The following RGS7 variants were observed in gnomAD, a reference collection of about 807,000 sequenced individuals.
RGS7 encodes the protein regulator of G protein signaling 7.
A neutral mutation model predicts 81.1 loss-of-function variants in RGS7; 27 were observed. The ratio of observed to expected loss-of-function variants is 0.33; its 90% CI spans 0.25 to 0.46. RGS7 has a LOEUF of 0.46. Ranked by LOEUF, RGS7 falls within the 20% of genes least tolerant of loss-of-function variation. The probability of loss-of-function intolerance (pLI) is 1.00; values close to 1 mark genes in which losing one functional copy is unlikely to be tolerated. For synonymous variants in RGS7, 208 were observed against 207.7 expected (o/e 1.00, Z -0.01); for missense variants, 396 against 607.4 (o/e 0.65, Z 3.66).
chr1:241,254,673 GA>G (rs1412280379), intron 2 of RGS7, among the ~76,000 whole-genome samples: 1 of 152,114 alleles, frequency 6.6e-6, no homozygotes, highest in Non-Finnish European at 1.5e-5. Flanking sequence ...TCCATAGAAA[GA>G]TTTTTTTTGA....
Position 240,977,199 on chromosome 1 carries a change from C to T in RGS7, c.226+5880G>A, listed in dbSNP as rs1287281191. ...GAGTACTAAATTTCAACAATGTAGA[C>T]GTATGTTCACCAAGGACTAAATTCT... is the stretch of plus-strand genomic sequence containing the variant. On this transcript the variant is annotated intron_variant, in intron 4 of 18. Transcript: ENST00000440928. Among the ~76,000 whole-genome samples the T allele has an allele frequency of 2.6e-5, 4 of 150,968 alleles. No individual in the cohort carries two copies. The East Asian group carries it at 5.9e-4, about 22-fold the overall frequency.
At chr1:241,192,634 A>C (rs2072772876) in intron 2 of RGS7, among the ~76,000 whole-genome samples, 1 of 152,212 alleles carries the variant, frequency 6.6e-6, no homozygotes, top group Admixed American at 6.5e-5. Flanking sequence ...TCCATGAAAC[A>C]AATTCCTTTT....
At chr1:241,027,720 G>A (rs1055462334) in intron 3 of RGS7, among the ~76,000 whole-genome samples, 1 of 152,098 alleles carries the variant, frequency 6.6e-6, no homozygotes, top group Non-Finnish European at 1.5e-5. Flanking sequence ...CATGAGAGGA[G>A]GAGCCGGCAG....
chr1:241,147,780 T>TTTTTTATA (rs1428939736), intron 2 of RGS7, among the ~76,000 whole-genome samples: 1 of 44,646 alleles, frequency 2.2e-5, no homozygotes, highest in Non-Finnish European at 4.5e-5. Flanking sequence ...AGATTAAGTT[T>TTTTTTATA]TATATATATA....
intron 3 of RGS7, among the ~76,000 whole-genome samples, chr1:241,024,407 G>A (rs547827064): frequency 6.6e-6 from 1 of 152,286 alleles, no homozygotes; most frequent in South Asian, 2.1e-4. Flanking sequence ...TTTCCCTGCA[G>A]CTGAATGGAA....
At chr1:241,050,557 AT>A (rs2061193734) in intron 3 of RGS7, among the ~76,000 whole-genome samples, 1 of 152,114 alleles carries the variant, frequency 6.6e-6, no homozygotes. Context: ...TCTTAGCTTG[AT>A]TCATAACTTT....
chr1:241,134,512 G>A (rs1447493744), intron 2 of RGS7, among the ~76,000 whole-genome samples: 3 of 152,204 alleles, frequency 2.0e-5, no homozygotes, highest in African/African-American at 7.2e-5. Flanking sequence ...TGTAATGCGT[G>A]AATCTGGACT....
Position 240,868,159 on chromosome 1 carries a change from G to GAAAGAAAGAAAGA in RGS7, c.609+427_609+428insTCTTTCTTTCTTT, listed in dbSNP as rs1663792627. ...GAAAGAAAGAAAGAAAGAAAGAAAG[G>GAAAGAAAGAAAGA]ACGGAGGGAGGGAAGGACGAAGGAA... On this transcript the variant is annotated intron_variant, in intron 9 of 18. Transcript: ENST00000440928. The surrounding 1 kb of genome is among the most constrained non-coding windows in gnomAD (Gnocchi z 5.1). Among the ~76,000 whole-genome samples the GAAAGAAAGAAAGA allele has an allele frequency of 3.3e-5, 3 of 90,818 alleles. No individual in the cohort carries two copies. The highest frequency in any genetic ancestry group is 7.4e-5 in the Non-Finnish European group (3 of 40,282). The allele number at this position is 90,818 out of a possible 152,430, so 59.6% of individuals were successfully genotyped here.
chr1:241,215,625 T>C (rs564088166), intron 2 of RGS7, among the ~76,000 whole-genome samples: 2 of 152,306 alleles, frequency 1.3e-5, no homozygotes, highest in Admixed American at 6.5e-5. Flanking sequence ...CTCAGGCAAA[T>C]AGGACTTCAA....
chr1:240,776,260 A>T (rs753791158), intron 18 of RGS7, 47 bp from the exon 19 acceptor site: 17 of 1,433,654 alleles, frequency 1.2e-5, no homozygotes, highest in Non-Finnish European at 1.7e-5. Context: ...ATCAAGTACG[A>T]TCACTGAAAA....
chr1:240,787,840 GA>G (rs975962555), intron 18 of RGS7, among the ~76,000 whole-genome samples: 1 of 151,854 alleles, frequency 6.6e-6, no homozygotes, highest in Non-Finnish European at 1.5e-5. Flanking sequence ...CAGCACATGA[GA>G]AAAAAAATCC....
Position 240,870,069 on chromosome 1 carries a change from C to A in RGS7, c.436G>T (p.Ala146Ser), listed in dbSNP as rs149172715. 1.2e-6 allele frequency: 2 copies of A among 1,613,808 alleles called. No individual in the cohort carries two copies. Among genetic ancestry groups the A allele is most frequent in the African/African-American group, 1.3e-5 (1 of 74,902 alleles). Residue 146 changes from alanine (A) to serine (S), a missense_variant, in exon 7 of 19, where the codon GCA becomes TCA. Transcript: ENST00000440928. ...TMQNKARLEL[A>S]DYEAESLARL... ...TTGGTACTTACAGCCTCATAGTCTG[C>A]GAGCTCCAGTCGTGCCTTGTTTTGC...
intron 5 of RGS7, among the ~76,000 whole-genome samples, chr1:240,933,554 T>C (rs1676069060): frequency 6.6e-6 from 1 of 151,362 alleles, no homozygotes; most frequent in South Asian, 2.1e-4. Context: ...TAGTAAACGA[T>C]AATATAGGAG....
intron 3 of RGS7, among the ~76,000 whole-genome samples, chr1:241,061,967 A>G (rs2061764706): frequency 6.6e-6 from 1 of 152,182 alleles, no homozygotes; most frequent in Non-Finnish European, 1.5e-5. Flanking sequence ...CAACATATTT[A>G]TTCCATTCCA....
rs74151838 is a variant in RGS7, at chr1:240,808,298, A to C, written c.1083-1972T>G. On this transcript the variant is annotated intron_variant, in intron 14 of 18. Transcript: ENST00000440928. ...CAGGAAAGAGCCCCTCTGCTGGGGC[A>C]AGTGCTGGATTGGAAAAGGGGGATC... Among the ~76,000 whole-genome samples the C allele has an allele frequency of 9.3e-3, 1,419 of 152,138 alleles. 26 individuals carry two copies. Among genetic ancestry groups the C allele is most frequent in the African/African-American group, 0.033 (1,360 of 41,428 alleles).
At chr1:240,884,937 C>CAGA (rs1224470254) in intron 6 of RGS7, among the ~76,000 whole-genome samples, 1 of 152,122 alleles carries the variant, frequency 6.6e-6, no homozygotes, top group Non-Finnish European at 1.5e-5. Context: ...TTCTGCACAG[C>CAGA]AGAAGAAATT....
At chr1:241,330,886 C>A (rs1054337329) in intron 2 of RGS7, among the ~76,000 whole-genome samples, 1 of 152,144 alleles carries the variant, frequency 6.6e-6, no homozygotes, top group Non-Finnish European at 1.5e-5. Flanking sequence ...CAGCATTATG[C>A]AATATACTCA....
intron 2 of RGS7, among the ~76,000 whole-genome samples, chr1:241,352,438 A>G (rs2083303323): frequency 6.6e-6 from 1 of 152,220 alleles, no homozygotes; most frequent in South Asian, 2.1e-4. Flanking sequence ...TAATTTAATC[A>G]TCTGCTTATG....
chr1:241,266,479 A>ATT (rs1374995194), intron 2 of RGS7, among the ~76,000 whole-genome samples: 3 of 152,086 alleles, frequency 2.0e-5, no homozygotes, highest in Non-Finnish European at 4.4e-5. Flanking sequence ...TTTTATCAGG[A>ATT]TTATCTTGGT....
Sources: gnomAD v4.1 joint callset for allele counts (sites outside exome capture counted in the v4.1 genomes callset) on GRCh38, gnomAD v4.1.1 for gene constraint, Gnocchi (gnomAD v3.1) non-coding constraint, MANE v1.5 for transcripts, NCBI Gene and HGNC (gene_info 2026-07-23, HGNC 2026-07-21) for gene names.